COL26A1: variants seen among roughly 807,000 people sequenced by gnomAD.
COL26A1 encodes the protein collagen alpha-1(XXVI) chain.
In COL26A1, 41 loss-of-function variants were observed where a neutral mutation model predicts 59.3. The observed-to-expected ratio is 0.69, with a 90% CI of 0.54 to 0.90. The LOEUF (loss-of-function observed/expected upper bound fraction) is 0.90, where lower values mean the gene tolerates loss of function less well. Ranked by LOEUF, COL26A1 falls within the 40% of genes least tolerant of loss-of-function variation. The pLI is 0.00. For missense variants in COL26A1, 612 were observed against 602.3 expected, an observed-to-expected ratio of 1.02 and a Z score of -0.17; for synonymous variants, 266 against 256.0, an observed-to-expected ratio of 1.04 and a Z score of -0.37.
chr7:101,485,430 T>C (rs1399736211), intron 3 of COL26A1, among the ~76,000 whole-genome samples: 1 of 152,176 alleles, frequency 6.6e-6, no homozygotes, highest in African/African-American at 2.4e-5. Context: ...TTGGGTCTTT[T>C]TCGTCATAGG....
At chr7:101,520,442 T>C (rs1212449476) in intron 3 of COL26A1, among the ~76,000 whole-genome samples, 1 of 152,056 alleles carries the variant, frequency 6.6e-6, no homozygotes, top group Non-Finnish European at 1.5e-5. Context: ...CCCTACACTT[T>C]GAGAGGCCGA....
chr7:101,381,366 GT>G (rs1358712075), intron 1 of COL26A1, among the ~76,000 whole-genome samples: 9 of 151,918 alleles, frequency 5.9e-5, no homozygotes, highest in African/African-American at 2.2e-4. Flanking sequence ...TTTAGATTAG[GT>G]TGGGCTCATC....
chr7:101,407,806 C>A (rs1288895549), intron 1 of COL26A1, among the ~76,000 whole-genome samples: 1 of 152,074 alleles, frequency 6.6e-6, no homozygotes, highest in African/African-American at 2.4e-5. Flanking sequence ...GACCTGATAA[C>A]CCAGCAGTTA....
chr7:101,380,334 C>T (rs1791418275), intron 1 of COL26A1, among the ~76,000 whole-genome samples: 2 of 142,892 alleles, frequency 1.4e-5, no homozygotes, highest in South Asian at 4.5e-4. Flanking sequence ...CTCTCTCTGT[C>T]GCCCAGACTG....
At chr7:101,373,851 C>T (rs1210250393) in intron 1 of COL26A1, among the ~76,000 whole-genome samples, 1 of 152,168 alleles carries the variant, frequency 6.6e-6, no homozygotes, top group Non-Finnish European at 1.5e-5. Context: ...CTCCCCTCTT[C>T]CCCCAGCTCA....
intron 3 of COL26A1, among the ~76,000 whole-genome samples, chr7:101,498,845 G>A (rs1042065587): frequency 6.6e-6 from 1 of 152,194 alleles, no homozygotes; most frequent in Non-Finnish European, 1.5e-5. Context: ...TTGCAAAGGC[G>A]AGGGAGGCTT....
intron 3 of COL26A1, among the ~76,000 whole-genome samples, chr7:101,479,347 T>C (rs1015095213): frequency 2.0e-5 from 3 of 152,230 alleles, no homozygotes; most frequent in Non-Finnish European, 2.9e-5. Context: ...GTTTTGTTTG[T>C]TCAAAAATTA....
chr7:101,553,310 G>A lies in COL26A1; in HGVS notation c.1030-16G>A. 6.2e-7 allele frequency: 1 copy of A among 1,613,306 alleles called. No homozygotes were observed. Among genetic ancestry groups the A allele is most frequent in the Non-Finnish European group, 8.5e-7 (1 of 1,179,408 alleles). Reference sequence around the variant, plus strand: ...CACCTCCCGTTCCAGTGTTGACTGTGTGACTTGCTTCTTAGGGTGAACCTG... The same window carrying A: ...CACCTCCCGTTCCAGTGTTGACTGTATGACTTGCTTCTTAGGGTGAACCTG... On this transcript the variant is annotated splice_polypyrimidine_tract_variant and intron_variant, in intron 10 of 12. Coordinates refer to ENST00000313669, the MANE Select transcript of COL26A1 (RefSeq NM_001278563.3).
intron 1 of COL26A1, among the ~76,000 whole-genome samples, chr7:101,400,061 G>A (rs768727893): frequency 6.6e-5 from 10 of 152,136 alleles, no homozygotes; most frequent in African/African-American, 1.2e-4. Flanking sequence ...ACCAAAGGGC[G>A]GGGACCAAAT....
chr7:101,398,615 G>A (rs1050812289), intron 1 of COL26A1, among the ~76,000 whole-genome samples: 2 of 152,220 alleles, frequency 1.3e-5, no homozygotes, highest in Middle Eastern at 3.4e-3. Context: ...GCTGCTTTTC[G>A]TCGTGTGCTT....
rs58170969 is a variant in COL26A1, at chr7:101,513,840, A to G, written c.386-19242A>G. 3.3e-3 allele frequency among the ~76,000 whole-genome samples: 503 copies of G among 152,356 alleles called. 3 individuals are homozygous for G. Among genetic ancestry groups the G allele is most frequent in the African/African-American group, 0.011 (468 of 41,582 alleles). ...CTACAGATTGGGAGGAGATATTCGCAAAGCATGAAATTGACGACGGGCTGG... is the reference window on the plus strand; with the variant it reads ...CTACAGATTGGGAGGAGATATTCGCGAAGCATGAAATTGACGACGGGCTGG... On this transcript the variant is annotated intron_variant, in intron 3 of 12. Coordinates refer to ENST00000313669, the MANE Select transcript of COL26A1 (RefSeq NM_001278563.3).
intron 12 of COL26A1, among the ~76,000 whole-genome samples, chr7:101,556,549 G>A (rs1263258465): frequency 6.6e-6 from 1 of 152,110 alleles, no homozygotes; most frequent in Non-Finnish European, 1.5e-5. Context: ...GTGAGTGGAT[G>A]GGTAGATGCA....
At chr7:101,513,989 A>G (rs1439359300) in intron 3 of COL26A1, among the ~76,000 whole-genome samples, 1 of 152,186 alleles carries the variant, frequency 6.6e-6, no homozygotes, top group African/African-American at 2.4e-5. Flanking sequence ...AAATGGCTCA[A>G]AAACCTGTGA....
rs1796034330 is a variant in COL26A1, at chr7:101,558,473, T to C, written c.*943T>C. The C allele has an allele frequency of 6.6e-6, 1 of 152,230 alleles. No individual in the cohort carries two copies. The highest frequency in any genetic ancestry group is 2.1e-4 in the South Asian group (1 of 4,832). 9.4% of individuals were successfully genotyped at this position (152,230 alleles called of 1,614,324 possible). ...GACTTGCAGCCTCTGCCCCACGAGT[T>C]TGTCTCTCAGTGGACTCTATAGGTT... On this transcript the variant is annotated 3_prime_UTR_variant, in exon 13 of 13. Transcript: ENST00000313669.
intron 3 of COL26A1, among the ~76,000 whole-genome samples, chr7:101,503,903 C>T (rs1226107438): frequency 6.6e-6 from 1 of 152,238 alleles, no homozygotes; most frequent in Non-Finnish European, 1.5e-5. Context: ...AGGCCTGCCA[C>T]TTCCTGTTTC....
chr7:101,541,649 G>A (rs1045828611), intron 5 of COL26A1, among the ~76,000 whole-genome samples: 1 of 152,006 alleles, frequency 6.6e-6, no homozygotes, highest in East Asian at 1.9e-4. Flanking sequence ...ACCATGCTTG[G>A]CCCTGGCCAC....
intron 3 of COL26A1, among the ~76,000 whole-genome samples, chr7:101,458,055 C>T (rs1370159484): frequency 6.6e-6 from 1 of 151,980 alleles, no homozygotes; most frequent in Non-Finnish European, 1.5e-5. Flanking sequence ...CACCAGCACA[C>T]CTGGCAAATT....
intron 3 of COL26A1, among the ~76,000 whole-genome samples, chr7:101,531,125 C>T (rs1795359870): frequency 6.6e-6 from 1 of 152,132 alleles, no homozygotes; most frequent in Admixed American, 6.5e-5. Flanking sequence ...CGCCCGCCAC[C>T]ATGCCTGGCT....
chr7:101,426,749 T>C (rs1792658143), intron 2 of COL26A1, among the ~76,000 whole-genome samples: 1 of 152,110 alleles, frequency 6.6e-6, no homozygotes, highest in South Asian at 2.1e-4. Flanking sequence ...CTTGCTGTAA[T>C]AAGAACCCTG....
Sources: allele counts gnomAD v4.1 joint callset (sites outside exome capture counted in the v4.1 genomes callset), GRCh38; gene constraint gnomAD v4.1.1; transcripts MANE v1.5; gene names NCBI Gene and HGNC (gene_info 2026-07-23, HGNC 2026-07-21).